Variants in PEAK1 observed in about 807,000 individuals in gnomAD.
The protein encoded by PEAK1 is inactive tyrosine-protein kinase PEAK1.
A neutral mutation model predicts 124.7 loss-of-function variants in PEAK1; 54 were observed. That is an observed-to-expected ratio of 0.43 (90% CI 0.35 to 0.54). PEAK1 has a LOEUF of 0.54. PEAK1 is among the 20% of genes least tolerant of loss of function. The probability of loss-of-function intolerance (pLI) is 0.01; values close to 1 mark genes in which losing one functional copy is unlikely to be tolerated. For synonymous variants in PEAK1, 719 were observed against 760.0 expected, an observed-to-expected ratio of 0.95 and a Z score of 0.89; for missense variants, 2,046 against 2,134.5, an observed-to-expected ratio of 0.96 and a Z score of 0.82.
At chr15:77,299,105 T>C (rs1402790217) in intron 2 of PEAK1, among the ~76,000 whole-genome samples, 5 of 152,222 alleles carry the variant, frequency 3.3e-5, no homozygotes, top group Non-Finnish European at 7.3e-5. Flanking sequence ...TCCAAGGTTA[T>C]TTATAAGATT....
upstream of PEAK1, chr15:77,420,680 C>T (rs909582766): frequency 1.5e-5 from 6 of 391,818 alleles, no homozygotes; most frequent in Non-Finnish European, 2.7e-5. Flanking sequence ...GCTCACCTTG[C>T]GTAACCACGT....
At position 77,179,479 on chromosome 15, in the gene PEAK1, C is replaced by T. The variant is rs1471877472; in HGVS notation, c.2448G>A (p.Arg816=). The change falls in exon 7 of 10, where the codon CGG becomes CGA. Residue 816 remains arginine (R), a synonymous_variant. Coordinates refer to ENST00000682557, the MANE Select transcript of PEAK1 (RefSeq NM_001385026.1). Reference sequence around the variant, plus strand: ...GCTGAGATGTAAAGAGAGATTTGGGCCGGACTGGCGTACTCTTAGGTGTGC... The same window carrying T: ...GCTGAGATGTAAAGAGAGATTTGGGTCGGACTGGCGTACTCTTAGGTGTGC... ...AKSTPKSTPV[R]PKSLFTSQPS... 1 of 1,614,022 alleles carries T rather than the reference C, an allele frequency of 6.2e-7. No homozygotes were observed. Among genetic ancestry groups the T allele is most frequent in the Non-Finnish European group, 8.5e-7 (1 of 1,179,988 alleles).
At chr15:77,251,542 A>C (rs2060882692) in intron 6 of PEAK1, among the ~76,000 whole-genome samples, 1 of 152,220 alleles carries the variant, frequency 6.6e-6, no homozygotes, top group African/African-American at 2.4e-5. Context: ...AGTTCAAAAA[A>C]TAACACCAAA....
At chr15:77,276,885 TG>T (rs1176400287) in intron 5 of PEAK1, among the ~76,000 whole-genome samples, 1 of 151,938 alleles carries the variant, frequency 6.6e-6, no homozygotes, top group African/African-American at 2.4e-5. Flanking sequence ...GATAATTAAA[TG>T]GGGGGGACTA....
In PEAK1 at chr15:77,180,100, G is replaced by A; in HGVS notation, c.1827C>T (p.Ile609=). 6 of 1,614,114 alleles carry A rather than the reference G, an allele frequency of 3.7e-6. No individual in the cohort carries two copies. The highest frequency in any genetic ancestry group is 5.1e-6 in the Non-Finnish European group (6 of 1,179,980). The part of the protein sequence containing the change: ...NNAGMPPFPI[I]IHDEPTYARS... Reference sequence around the variant, plus strand: ...GAGCATAAGTTGGCTCGTCATGAATGATAATTGGAAAAGGTGGCATACCAG... The same window carrying A: ...GAGCATAAGTTGGCTCGTCATGAATAATAATTGGAAAAGGTGGCATACCAG... Residue 609 remains isoleucine, a synonymous_variant, in exon 7 of 10, where the codon ATC becomes ATT. Coordinates refer to ENST00000682557, the MANE Select transcript of PEAK1 (RefSeq NM_001385026.1).
intron 2 of PEAK1, among the ~76,000 whole-genome samples, chr15:77,341,373 G>A (rs1370102219): frequency 6.6e-6 from 1 of 152,076 alleles, no homozygotes; most frequent in East Asian, 1.9e-4. Context: ...AGTGGCACGT[G>A]ACTGTAATCC....
intron 6 of PEAK1, among the ~76,000 whole-genome samples, chr15:77,243,495 T>C (rs1217017045): frequency 6.6e-6 from 1 of 152,252 alleles, no homozygotes; most frequent in Non-Finnish European, 1.5e-5. Flanking sequence ...ATGATTTTCT[T>C]AATCAGTAGG....
chr15:77,111,038 C>G lies in PEAK1; in HGVS notation c.*3118G>C, dbSNP rs763704438. 2.6e-5 allele frequency: 4 copies of G among 152,248 alleles called. No individual in the cohort carries two copies. Among genetic ancestry groups the G allele is most frequent in the African/African-American group, 7.2e-5 (3 of 41,476 alleles). The allele number at this position is 152,248 out of a possible 1,614,324, so 9.4% of individuals were successfully genotyped here. On this transcript the variant is annotated 3_prime_UTR_variant, in exon 10 of 10. Coordinates refer to ENST00000682557, the MANE Select transcript of PEAK1 (RefSeq NM_001385026.1). ...GTGTTTCTCTAGCACCCAAGTGTCACAGAGATTGTTCATGCTCATGTGGCT... is the reference window on the plus strand; with the variant it reads ...GTGTTTCTCTAGCACCCAAGTGTCAGAGAGATTGTTCATGCTCATGTGGCT...
At chr15:77,403,717 G>C (rs556245355) in intron 1 of PEAK1, 1 of 937,304 alleles carries the variant, frequency 1.1e-6, no homozygotes, top group Non-Finnish European at 1.3e-6. Context: ...AAAAAGGGCA[G>C]GATTATCTCC....
At chr15:77,361,890 CTA>C (rs1478360107) in intron 2 of PEAK1, among the ~76,000 whole-genome samples, 1 of 151,576 alleles carries the variant, frequency 6.6e-6, no homozygotes, top group African/African-American at 2.4e-5. Flanking sequence ...AGAATGCTAT[CTA>C]GTCATGAAGA....
At chr15:77,192,808 C>T (rs1476348777) in intron 6 of PEAK1, among the ~76,000 whole-genome samples, 1 of 152,070 alleles carries the variant, frequency 6.6e-6, no homozygotes, top group East Asian at 1.9e-4. Flanking sequence ...ATCAAACTCT[C>T]TAGGCCGAAC....
chr15:77,301,347 G>A (rs960331213), intron 2 of PEAK1, among the ~76,000 whole-genome samples: 1 of 152,162 alleles, frequency 6.6e-6, no homozygotes, highest in Non-Finnish European at 1.5e-5. Context: ...GAGCCCAATA[G>A]ATAATCCAGG....
chr15:77,273,956 G>A (rs1178286178), intron 5 of PEAK1, among the ~76,000 whole-genome samples: 1 of 152,118 alleles, frequency 6.6e-6, no homozygotes, highest in Non-Finnish European at 1.5e-5. Flanking sequence ...ACAGAATAGA[G>A]AACCCAGAAA....
At chr15:77,284,888 T>C (rs561960097) in intron 4 of PEAK1, 70 bp downstream of exon 4, 1 of 111,802 alleles carries the variant, frequency 8.9e-6, no homozygotes, top group East Asian at 2.3e-4. Context: ...TCTTCTCTAC[T>C]AAAACACACA....
At chr15:77,276,435 G>A (rs573786480) in intron 5 of PEAK1, among the ~76,000 whole-genome samples, 29 of 152,260 alleles carry the variant, frequency 1.9e-4, no homozygotes, top group African/African-American at 4.8e-4. Flanking sequence ...GAACTGGCAC[G>A]ATATCTTTCA....
intron 2 of PEAK1, among the ~76,000 whole-genome samples, chr15:77,359,857 A>G (rs1284851854): frequency 6.6e-6 from 1 of 152,228 alleles, no homozygotes; most frequent in East Asian, 1.9e-4. Flanking sequence ...AAACTGATTT[A>G]AAGATTCCTG....
chr15:77,240,685 A>C (rs2060316803), intron 6 of PEAK1, among the ~76,000 whole-genome samples: 1 of 152,162 alleles, frequency 6.6e-6, no homozygotes, highest in African/African-American at 2.4e-5. Context: ...TGTAAAAGTA[A>C]ATCTACGGGT....
intron 6 of PEAK1, among the ~76,000 whole-genome samples, chr15:77,188,005 A>G (rs556002855): frequency 9.1e-4 from 139 of 152,334 alleles, no homozygotes; most frequent in African/African-American, 3.2e-3. Flanking sequence ...CAAACTCTTC[A>G]GTATATGACT....
intron 2 of PEAK1, among the ~76,000 whole-genome samples, chr15:77,289,762 G>C (rs1052119329): frequency 6.6e-6 from 1 of 152,008 alleles, no homozygotes; most frequent in Non-Finnish European, 1.5e-5. Flanking sequence ...GCTTGAACCC[G>C]GGAGGCGAAG....
Sources: allele counts gnomAD v4.1 joint callset (sites outside exome capture counted in the v4.1 genomes callset), GRCh38; gene constraint gnomAD v4.1.1; transcripts MANE v1.5; gene names NCBI Gene and HGNC (gene_info 2026-07-23, HGNC 2026-07-21).